Variants in DLG2 observed in about 807,000 individuals in gnomAD.
DLG2 encodes discs large MAGUK scaffold protein 2.
A neutral mutation model predicts 132.5 loss-of-function variants in DLG2; 45 were observed. The observed-to-expected ratio is 0.34, with a 90% CI of 0.27 to 0.44. The LOEUF (loss-of-function observed/expected upper bound fraction) is 0.44. Among genes scored for constraint, DLG2 ranks in the 20% least tolerant of loss-of-function variants. The pLI, the probability that DLG2 is intolerant of heterozygous loss-of-function variation, is 1.00. For synonymous variants in DLG2, 424 were observed against 419.6 expected (o/e 1.01, Z -0.13); for missense variants, 1,045 against 1,196.9 (o/e 0.87, Z 1.87).
At chr11:85,091,032 T>C (rs563796781) in intron 6 of DLG2, among the ~76,000 whole-genome samples, 12 of 152,244 alleles carry the variant, frequency 7.9e-5, no homozygotes, top group South Asian at 2.1e-4. Context: ...TGGGAACTAA[T>C]AGAGCAAGAA....
At chr11:85,097,808 G>A (rs770038054) in intron 6 of DLG2, among the ~76,000 whole-genome samples, 19 of 152,172 alleles carry the variant, frequency 1.2e-4, no homozygotes, top group Admixed American at 4.6e-4. Flanking sequence ...GGCCAAGAAA[G>A]TCCCTAGACC....
chr11:84,315,045 A>T (rs1221621051), intron 7 of DLG2, among the ~76,000 whole-genome samples: 1 of 152,150 alleles, frequency 6.6e-6, no homozygotes, highest in East Asian at 1.9e-4. Flanking sequence ...AGTACATGTG[A>T]ATGGGAGGGA....
At chr11:85,113,402 G>A (rs891260217) in intron 5 of DLG2, among the ~76,000 whole-genome samples, 21 of 151,888 alleles carry the variant, frequency 1.4e-4, no homozygotes, top group African/African-American at 3.9e-4. Flanking sequence ...CAACTTCTGC[G>A]GTGCTCAGCA....
intron 16 of DLG2, among the ~76,000 whole-genome samples, chr11:83,834,018 C>A (rs918848751): frequency 6.6e-6 from 1 of 152,206 alleles, no homozygotes; most frequent in African/African-American, 2.4e-5. Context: ...TCTTAAACTA[C>A]CTTTACTTCT....
intron 21 of DLG2, among the ~76,000 whole-genome samples, chr11:83,505,297 C>T (rs1304758552): frequency 6.6e-6 from 1 of 152,162 alleles, no homozygotes; most frequent in Non-Finnish European, 1.5e-5. Flanking sequence ...GCAAATGGGG[C>T]ACTCAGCAGT....
chr11:84,088,808 T>C (rs912393236), intron 10 of DLG2, among the ~76,000 whole-genome samples: 2 of 152,204 alleles, frequency 1.3e-5, no homozygotes, highest in South Asian at 2.1e-4. Context: ...ATTTGCATCA[T>C]ACATCTTTCT....
intron 11 of DLG2, among the ~76,000 whole-genome samples, chr11:84,018,549 A>C (rs72949829): frequency 6.6e-6 from 1 of 151,816 alleles, no homozygotes; most frequent in Admixed American, 6.6e-5. Context: ...TAATGTAAAA[A>C]AGGGTGAAAA....
intron 8 of DLG2, among the ~76,000 whole-genome samples, chr11:84,202,617 T>C (rs2096611209): frequency 6.6e-6 from 1 of 151,958 alleles, no homozygotes. Flanking sequence ...AATTGACAAA[T>C]AGGATATAAT....
At chr11:84,634,851 T>C (rs1236895483) in intron 6 of DLG2, among the ~76,000 whole-genome samples, 1 of 152,114 alleles carries the variant, frequency 6.6e-6, no homozygotes, top group Non-Finnish European at 1.5e-5. Flanking sequence ...CACTTTCCTC[T>C]CAATCTGCTT....
At chr11:84,923,219 C>T (rs1326957636) in intron 6 of DLG2, 1 of 1,581,352 alleles carries the variant, frequency 6.3e-7, no homozygotes, top group Non-Finnish European at 8.6e-7. Flanking sequence ...AGCATCCGTT[C>T]CCTCTGTCAG....
intron 21 of DLG2, among the ~76,000 whole-genome samples, chr11:83,524,797 C>T (rs1378155237): frequency 1.3e-5 from 2 of 152,158 alleles, no homozygotes; most frequent in African/African-American, 4.8e-5. Flanking sequence ...CTGCCAACAA[C>T]ACTCTTTTCA....
At chr11:85,397,252 A>C (rs1024359453) in intron 3 of DLG2, among the ~76,000 whole-genome samples, 2 of 152,196 alleles carry the variant, frequency 1.3e-5, no homozygotes, top group South Asian at 2.1e-4. Context: ...ACCACCAGGC[A>C]TGCCTTATAA....
chr11:84,703,525 C>T (rs1348912378), intron 6 of DLG2, among the ~76,000 whole-genome samples: 1 of 151,430 alleles, frequency 6.6e-6, no homozygotes, highest in Admixed American at 6.6e-5. Flanking sequence ...TTGCCCACCA[C>T]AAATACACCC....
At chr11:85,402,593 C>T (rs1342249087) in intron 3 of DLG2, among the ~76,000 whole-genome samples, 1 of 152,134 alleles carries the variant, frequency 6.6e-6, no homozygotes, top group African/African-American at 2.4e-5. Context: ...ATCTACCCAT[C>T]TGACAAAGGG....
intron 3 of DLG2, among the ~76,000 whole-genome samples, chr11:85,397,156 G>A (rs566423160): frequency 2.0e-5 from 3 of 152,270 alleles, no homozygotes; most frequent in East Asian, 1.9e-4. Flanking sequence ...TTTCAACCCA[G>A]AATTTCATAT....
intron 20 of DLG2, among the ~76,000 whole-genome samples, chr11:83,533,258 G>C (rs1435578147): frequency 6.6e-6 from 1 of 151,816 alleles, no homozygotes; most frequent in African/African-American, 2.4e-5. Context: ...ATATAATCTT[G>C]AGCTTTCCTT....
At chr11:84,912,438 G>A (rs2092160834) in intron 6 of DLG2, among the ~76,000 whole-genome samples, 1 of 152,228 alleles carries the variant, frequency 6.6e-6, no homozygotes, top group Admixed American at 6.5e-5. Flanking sequence ...TTACCGGCGT[G>A]AGCCACTGCT....
intron 3 of DLG2, among the ~76,000 whole-genome samples, chr11:85,435,483 T>C (rs532216961): frequency 4.6e-5 from 7 of 152,110 alleles, no homozygotes; most frequent in Middle Eastern, 3.2e-3. Flanking sequence ...ACAAAATTAA[T>C]GTGCAAAAAT....
intron 21 of DLG2, among the ~76,000 whole-genome samples, chr11:83,487,914 G>GGGAT (rs1160547127): frequency 6.6e-6 from 1 of 151,926 alleles, no homozygotes; most frequent in African/African-American, 2.4e-5. Flanking sequence ...CTTAGAGCTG[G>GGGAT]GGATAGTGGG....
Sources: allele counts gnomAD v4.1 joint callset (sites outside exome capture counted in the v4.1 genomes callset), GRCh38; gene constraint gnomAD v4.1.1; transcripts MANE v1.5; gene names NCBI Gene and HGNC (gene_info 2026-07-23, HGNC 2026-07-21).